NBPF15: variants seen among roughly 807,000 people sequenced by gnomAD.
NBPF15 encodes the protein NBPF family member NBPF15.
A neutral mutation model predicts 62.2 loss-of-function variants in NBPF15; 74 were observed. That is an observed-to-expected ratio of 1.19 (90% CI 0.99 to 1.44). NBPF15 has a LOEUF of 1.44. NBPF15 is among the 40% of genes most tolerant of loss of function. The probability of loss-of-function intolerance (pLI) is 0.00; values close to 1 mark genes in which losing one functional copy is unlikely to be tolerated. For missense variants in NBPF15, 790 were observed against 550.0 expected (o/e 1.44, Z -4.36); for synonymous variants, 244 against 209.7 (o/e 1.16, Z -1.41).
Position 144,423,201 on chromosome 1 carries a change from C to T in NBPF15, c.1825G>A (p.Asp609Asn), listed in dbSNP as rs782127133. 6.2e-7 allele frequency: 1 copy of T among 1,611,602 alleles called. No homozygotes were observed. The highest frequency in any genetic ancestry group is 1.3e-5 in the African/African-American group (1 of 74,864). The part of the protein sequence containing the change: ...EEPEVLQDSL[D>N]RCYSTPSMYF... The stretch of plus-strand genomic sequence containing the variant: ...ATTGACGGAGTCGAATAACATCTAT[C>T]CAGTGAGTCCTGTAAGACTTCAGGC... Residue 609 changes from aspartate to asparagine, a missense_variant, in exon 22 of 22, where the codon GAT (aspartate) becomes AAT (asparagine). Physicochemically the swap from Asp to Asn is conservative, Grantham distance 23. Transcript: ENST00000581897.
rs148712347 is a variant in NBPF15 at position 144,456,314 on chromosome 1, T to G, written c.-432+223A>C. 1.5e-3 allele frequency among the ~76,000 whole-genome samples: 226 copies of G among 152,062 alleles called. 3 individuals carry two copies. The highest frequency in any genetic ancestry group is 5.2e-3 in the African/African-American group (217 of 41,474). On this transcript the variant is annotated intron_variant, in intron 4 of 21. Coordinates refer to ENST00000581897, the MANE Select transcript of NBPF15 (RefSeq NM_001385408.1). ...TCCTGGAGAGAACACTCTCCTCTCC[T>G]GAGGTAAAATCACTTCCACCTGACG...
At chr1:144,427,660 T>G (rs191991125) in intron 16 of NBPF15, among the ~76,000 whole-genome samples, 158 bp downstream of exon 16, 2 of 146,240 alleles carry the variant, frequency 1.4e-5, no homozygotes, top group East Asian at 3.9e-4. Flanking sequence ...TGTCTGGGCT[T>G]CCAAGTGGAA....
At chr1:144,440,947 C>T (rs1682489874) in intron 6 of NBPF15, among the ~76,000 whole-genome samples, 1 of 151,856 alleles carries the variant, frequency 6.6e-6, no homozygotes, top group East Asian at 1.9e-4. Context: ...GGATTACAGG[C>T]ATGAGCCACC....
intron 4 of NBPF15, among the ~76,000 whole-genome samples, chr1:144,453,286 C>T (rs1692328791): frequency 6.6e-6 from 1 of 150,898 alleles, no homozygotes; most frequent in South Asian, 2.1e-4. Context: ...CAACCACATG[C>T]AAAAAAATAA....
chr1:144,450,877 G>C lies in NBPF15; in HGVS notation c.-431-7C>G, dbSNP rs1186516545. On this transcript the variant is annotated splice_region_variant and splice_polypyrimidine_tract_variant and intron_variant, in intron 4 of 21. Transcript: ENST00000581897. Reference sequence around the variant, plus strand: ...ACTGTTATCAATCACATTTCTGAAAGAATAAAAATGGTTCAGTGAAGGGAT... The same window carrying C: ...ACTGTTATCAATCACATTTCTGAAACAATAAAAATGGTTCAGTGAAGGGAT... 1 of 706,604 alleles carries C rather than the reference G, an allele frequency of 1.4e-6. No homozygotes were observed. The highest frequency in any genetic ancestry group is 1.7e-6 in the Non-Finnish European group (1 of 576,426). The allele number at this position is 706,604 out of a possible 1,614,324, so 43.8% of individuals were successfully genotyped here. A position where few individuals can be genotyped will look rare whatever the true frequency, so the allele number is the denominator to read the frequency against.
Position 144,422,997 on chromosome 1 carries a change from G to T in NBPF15, c.*16C>A. 1 of 1,611,624 alleles carries T rather than the reference G, an allele frequency of 6.2e-7. No homozygotes were observed. Among genetic ancestry groups the T allele is most frequent in the Non-Finnish European group, 8.5e-7 (1 of 1,179,612 alleles). On this transcript the variant is annotated 3_prime_UTR_variant, in exon 22 of 22. Transcript: ENST00000581897. Reference sequence around the variant, plus strand: ...CTGCCTGCAGGAATGACATCTCTCGGCTTAGTAAGAGCTGCTTATTGTGGG... The same window carrying T: ...CTGCCTGCAGGAATGACATCTCTCGTCTTAGTAAGAGCTGCTTATTGTGGG...
intron 4 of NBPF15, among the ~76,000 whole-genome samples, chr1:144,455,696 G>T (rs587669231): frequency 3.3e-5 from 5 of 151,998 alleles, no homozygotes; most frequent in African/African-American, 1.2e-4. Flanking sequence ...CCTTGCACTG[G>T]CTCCCACTCC....
chr1:144,440,755 C>T (rs1383266911), intron 6 of NBPF15, among the ~76,000 whole-genome samples: 8 of 149,808 alleles, frequency 5.3e-5, no homozygotes, highest in African/African-American at 2.5e-5. Flanking sequence ...CAGGTTCACG[C>T]TATTCTCCTG....
At chr1:144,441,978 A>G (rs1455729851) in intron 6 of NBPF15, among the ~76,000 whole-genome samples, 2 of 148,648 alleles carry the variant, frequency 1.3e-5, no homozygotes, top group Non-Finnish European at 3.0e-5. Flanking sequence ...ACTTGGACAC[A>G]GGGCGGGGAA....
chr1:144,456,952 C>T (rs1267407445), intron 3 of NBPF15, 147 bp from the exon 4 acceptor site: 1 of 151,972 alleles, frequency 6.6e-6, no homozygotes, highest in African/African-American at 2.5e-5. Flanking sequence ...GTTTGGGTTC[C>T]TGTCATATGT....
rs1448177941 is a variant in NBPF15 at position 144,422,746 on chromosome 1, A to C, written c.*267T>G. 2 of 720,274 alleles carry C rather than the reference A, an allele frequency of 2.8e-6. No individual in the cohort carries two copies. The highest frequency in any genetic ancestry group is 4.4e-6 in the Non-Finnish European group (2 of 452,514). The allele number at this position is 720,274 out of a possible 1,614,324, so 44.6% of individuals were successfully genotyped here. A position where few individuals can be genotyped will look rare whatever the true frequency, so the allele number is the denominator to read the frequency against. ...CCTGAGGAATTTTGTAGCTACCCAG[A>C]GATACGTGGTTCAAATTAAAATGTC... On this transcript the variant is annotated 3_prime_UTR_variant, in exon 22 of 22. Coordinates refer to ENST00000581897, the MANE Select transcript of NBPF15 (RefSeq NM_001385408.1).
At chr1:144,444,826 G>T (rs1380222376) in intron 6 of NBPF15, among the ~76,000 whole-genome samples, 3 of 151,892 alleles carry the variant, frequency 2.0e-5, no homozygotes, top group African/African-American at 7.3e-5. Context: ...ATAGCAGCCC[G>T]CCCCTCAGGT....
intron 6 of NBPF15, among the ~76,000 whole-genome samples, chr1:144,445,938 C>A (rs1231998380): frequency 6.9e-6 from 1 of 145,968 alleles, no homozygotes; most frequent in African/African-American, 2.6e-5. Context: ...CTCACTGCAA[C>A]CTCTGCCTCC....
In NBPF15 at chr1:144,438,278, C is replaced by A. The variant is rs587687410; in HGVS notation, c.176-231G>T. On this transcript the variant is annotated intron_variant, in intron 8 of 21. Coordinates refer to ENST00000581897, the MANE Select transcript of NBPF15 (RefSeq NM_001385408.1). ...CTCAAGGGCACATCAAGGAAGTTGA[C>A]AAGATGATTCAACCACAACAAAGTG... Among the ~76,000 whole-genome samples, 479 of 150,398 alleles carry A rather than the reference C, an allele frequency of 3.2e-3. 5 individuals carry two copies. Among genetic ancestry groups the A allele is most frequent in the Non-Finnish European group, 5.7e-3 (385 of 67,974 alleles).
intron 6 of NBPF15, among the ~76,000 whole-genome samples, chr1:144,445,546 A>G (rs1346670092): frequency 1.1e-4 from 17 of 149,620 alleles, no homozygotes; most frequent in Admixed American, 6.0e-4. Context: ...AATTCTGGAA[A>G]TAGGTAGTGA....
chr1:144,423,905 T>C lies in NBPF15; in HGVS notation c.1734A>G (p.Arg578=). The stretch of plus-strand genomic sequence containing the variant: ...GTGGGTTGTCATCTTCCCCTTCTTT[T>C]CTTCCCCTTCTTCTTTTCTTCTTTG... ...RRSKKKRRRG[R]KEGEDDNPPC... The change falls in exon 21 of 22, where the codon AGA becomes AGG. Residue 578 remains arginine (R), a synonymous_variant. Coordinates refer to ENST00000581897, the MANE Select transcript of NBPF15 (RefSeq NM_001385408.1). The C allele has an allele frequency of 5.1e-6, 4 of 791,456 alleles. No individual in the cohort carries two copies. In the East Asian group the frequency reaches 9.7e-5, roughly 19 times the overall value. 49.0% of individuals were successfully genotyped at this position (791,456 alleles called of 1,614,324 possible).
In NBPF15 at chr1:144,423,213, G is replaced by A. The variant is rs782303423; in HGVS notation, c.1813C>T (p.Gln605Ter). The change falls in exon 22 of 22, where the codon CAG (glutamine) becomes TAG (stop). Residue 605 changes from glutamine to a stop codon, truncating the protein, a stop_gained. Coordinates refer to ENST00000581897, the MANE Select transcript of NBPF15 (RefSeq NM_001385408.1). LOFTEE classifies it high-confidence loss of function. ...LMEVEEPEVL[Q>*]DSLDRCYSTP... Reference sequence around the variant, plus strand: ...GAATAACATCTATCCAGTGAGTCCTGTAAGACTTCAGGCTCTTCCACTTCC... The same window carrying A: ...GAATAACATCTATCCAGTGAGTCCTATAAGACTTCAGGCTCTTCCACTTCC... 12 of 1,611,486 alleles carry A rather than the reference G, an allele frequency of 7.4e-6. No homozygotes were observed. Among genetic ancestry groups the A allele is most frequent in the African/African-American group, 2.7e-5 (2 of 74,758 alleles).
Position 144,422,979 on chromosome 1 carries a change from C to A in NBPF15, c.*34G>T, listed in dbSNP as rs1553538471. On this transcript the variant is annotated 3_prime_UTR_variant, in exon 22 of 22. Transcript: ENST00000581897. ...TTCTCGTGCCTATAGGTCCTGCCTG[C>A]AGGAATGACATCTCTCGGCTTAGTA... The A allele has an allele frequency of 4.3e-6, 7 of 1,611,502 alleles. No individual in the cohort carries two copies. The highest frequency in any genetic ancestry group is 2.2e-4 in the Middle Eastern group (1 of 4,452).
intron 1 of NBPF15, 131 bp from the exon 2 acceptor site, chr1:144,461,092 G>A (rs587774119): frequency 6.9e-4 from 105 of 151,304 alleles, no homozygotes; most frequent in African/African-American, 2.5e-3. Context: ...GTGGGGTGCG[G>A]GGTCAGGGTC....
Sources: allele counts gnomAD v4.1 joint callset (sites outside exome capture counted in the v4.1 genomes callset), GRCh38; gene constraint gnomAD v4.1.1; transcripts MANE v1.5; gene names NCBI Gene and HGNC (gene_info 2026-07-23, HGNC 2026-07-21).